OXR1: variants seen among roughly 807,000 people sequenced by gnomAD.
OXR1 encodes the protein oxidation resistance protein 1.
OXR1 carries 41 observed loss-of-function variants against 104.6 expected under a neutral mutation model. The observed-to-expected ratio is 0.39, with a 90% CI of 0.31 to 0.51. The LOEUF is 0.51. Ranked by LOEUF, OXR1 falls within the 20% of genes least tolerant of loss-of-function variation. OXR1 has a pLI of 0.77. For missense variants in OXR1, 955 were observed against 1,031.9 expected (o/e 0.93, Z 1.02); for synonymous variants, 348 against 348.4 (o/e 1.00, Z 0.01).
Position 106,478,727 on chromosome 8 carries a change from A to C in OXR1, c.24-40216A>C, listed in dbSNP as rs1439829235. ...CATAATACGTATGATTAATTCTAAA[A>C]AATAATTTGTACTATTATTTAATTT... On this transcript the variant is annotated intron_variant, in intron 2 of 16. Transcript: ENST00000517566. 3.3e-5 allele frequency among the ~76,000 whole-genome samples: 5 copies of C among 151,868 alleles called. No homozygotes were observed. In the South Asian group the frequency reaches 8.3e-4, roughly 25 times the overall value.
At chr8:106,374,508 TG>T (rs1816833881) in intron 2 of OXR1, among the ~76,000 whole-genome samples, 1 of 152,200 alleles carries the variant, frequency 6.6e-6, no homozygotes, top group African/African-American at 2.4e-5. Context: ...AGCCTTTGAA[TG>T]TGTTTTAATT....
At chr8:106,307,291 A>G (rs2130116198) in intron 1 of OXR1, among the ~76,000 whole-genome samples, 1 of 152,284 alleles carries the variant, frequency 6.6e-6, no homozygotes, top group South Asian at 2.1e-4. Context: ...TTTGATGAAA[A>G]TAACATTTTA....
chr8:106,384,788 C>T (rs1464746841), intron 2 of OXR1, among the ~76,000 whole-genome samples: 1 of 149,436 alleles, frequency 6.7e-6, no homozygotes, highest in East Asian at 2.0e-4. Context: ...CTGGAGTGCT[C>T]ACTGTAATCT....
At chr8:106,624,316 T>C (rs1821969454) in intron 3 of OXR1, among the ~76,000 whole-genome samples, 1 of 151,840 alleles carries the variant, frequency 6.6e-6, no homozygotes, top group South Asian at 2.1e-4. Context: ...AAGAAGAAAA[T>C]AATAGAGTAA....
chr8:106,656,821 T>TA (rs79415263), intron 3 of OXR1, among the ~76,000 whole-genome samples: 15,609 of 118,684 alleles, frequency 0.13, 1,305 homozygotes, highest in African/African-American at 0.26. Context: ...GTCAACCAGT[T>TA]AAAAAAAAAA....
In OXR1 at chr8:106,411,523, T is replaced by C. The variant is rs1818457312; in HGVS notation, c.23+51887T>C. On this transcript the variant is annotated intron_variant, in intron 2 of 16. Transcript: ENST00000517566. ...CAAGTAAAAGATGCCTTTTCTCTCA[T>C]GTGATATTTCTGGAAGAGAGGGTCG... 2.6e-5 allele frequency among the ~76,000 whole-genome samples: 4 copies of C among 152,188 alleles called. No individual in the cohort carries two copies. In the South Asian group the frequency reaches 8.3e-4, roughly 32 times the overall value.
At chr8:106,285,564 C>G (rs1381017472) in intron 1 of OXR1, among the ~76,000 whole-genome samples, 2 of 152,004 alleles carry the variant, frequency 1.3e-5, no homozygotes, top group Admixed American at 6.6e-5. Flanking sequence ...GAAGCAAAGA[C>G]AGCTTGTGCT....
At chr8:106,363,798 T>C (rs1221899074) in intron 2 of OXR1, among the ~76,000 whole-genome samples, 1 of 152,226 alleles carries the variant, frequency 6.6e-6, no homozygotes, top group East Asian at 1.9e-4. Context: ...GGAAAATTAT[T>C]CAGAGATTAT....
At chr8:106,742,151 A>G (rs1471121516) in intron 14 of OXR1, 71 bp from the exon 15 acceptor site, 2 of 869,002 alleles carry the variant, frequency 2.3e-6, no homozygotes, top group Non-Finnish European at 3.9e-6. Flanking sequence ...ATTTAAACAT[A>G]TATGATGAAA....
chr8:106,306,187 T>C (rs1269844803), intron 1 of OXR1, among the ~76,000 whole-genome samples: 2 of 152,120 alleles, frequency 1.3e-5, no homozygotes, highest in East Asian at 3.9e-4. Flanking sequence ...TCCTGATGGC[T>C]GGGGCAATAT....
chr8:106,714,955 T>G (rs1217867280), intron 11 of OXR1, among the ~76,000 whole-genome samples: 2 of 152,052 alleles, frequency 1.3e-5, no homozygotes, highest in Admixed American at 6.6e-5. Flanking sequence ...GACTCCAATA[T>G]AAGGGAGGGA....
chr8:106,429,206 G>A (rs1254653395), intron 2 of OXR1, among the ~76,000 whole-genome samples: 1 of 152,040 alleles, frequency 6.6e-6, no homozygotes, highest in African/African-American at 2.4e-5. Context: ...TTCGTTCTCA[G>A]TGGCTGCTCT....
chr8:106,318,518 T>G (rs1814074087), intron 1 of OXR1, among the ~76,000 whole-genome samples: 1 of 152,222 alleles, frequency 6.6e-6, no homozygotes, highest in African/African-American at 2.4e-5. Flanking sequence ...TTCACAAAGT[T>G]CTCTGCCTTG....
chr8:106,539,068 C>G (rs1293580692), intron 3 of OXR1, among the ~76,000 whole-genome samples: 2 of 152,148 alleles, frequency 1.3e-5, no homozygotes, highest in Admixed American at 6.5e-5. Context: ...TTTACTTTCT[C>G]TGGGTACATG....
chr8:106,599,510 T>C (rs1156244573), intron 3 of OXR1, among the ~76,000 whole-genome samples: 1 of 152,212 alleles, frequency 6.6e-6, no homozygotes, highest in East Asian at 1.9e-4. Context: ...ACATGTGTAT[T>C]GGATTGTTGT....
At chr8:106,460,945 AAATTAAAATCTATAT>A (rs1820873881) in intron 2 of OXR1, among the ~76,000 whole-genome samples, 1 of 151,860 alleles carries the variant, frequency 6.6e-6, no homozygotes, top group South Asian at 2.1e-4. Context: ...CGTGTATATT[AAATTAAAATCTATAT>A]TAGTTATATA....
At chr8:106,726,210 G>A in intron 11 of OXR1, 4 of 1,514,232 alleles carry the variant, frequency 2.6e-6, no homozygotes, top group Non-Finnish European at 3.5e-6. Flanking sequence ...GTTCTTACGT[G>A]ATTTTATGTA....
chr8:106,618,431 T>C (rs1047523509), intron 3 of OXR1, among the ~76,000 whole-genome samples: 2 of 152,230 alleles, frequency 1.3e-5, no homozygotes, highest in African/African-American at 4.8e-5. Flanking sequence ...AAAAAGACTT[T>C]ACATGTGTGT....
Position 106,692,837 on chromosome 8 carries a change from A to C in OXR1, c.635A>C (p.Lys212Thr). 2 of 1,606,426 alleles carry C rather than the reference A, an allele frequency of 1.2e-6. No individual in the cohort carries two copies. The highest frequency in any genetic ancestry group is 1.7e-6 in the Non-Finnish European group (2 of 1,174,776). ...GAGGAGGAGGAAGCATTTACTGAGA[A>C]ATTTCTTAAAATTAATTGCAAATAT... ...TSEEEEAFTE[K>T]FLKINCKYIT... Residue 212 changes from lysine to threonine, a missense_variant, in exon 7 of 17, where the codon AAA becomes ACA. Physicochemically the swap from Lys to Thr is moderately conservative, Grantham distance 78. Coordinates refer to ENST00000517566, the MANE Select transcript of OXR1 (RefSeq NM_001198533.2).
Sources: gnomAD v4.1 joint callset for allele counts (sites outside exome capture counted in the v4.1 genomes callset) on GRCh38, gnomAD v4.1.1 for gene constraint, MANE v1.5 for transcripts, NCBI Gene and HGNC (gene_info 2026-07-23, HGNC 2026-07-21) for gene names.